The following SRPK2 variants were observed in gnomAD, a reference collection of about 807,000 sequenced individuals.
SRPK2 encodes the protein SFRS protein kinase 2.
In SRPK2, 21 loss-of-function variants were observed where a neutral mutation model predicts 90.8. The ratio of observed to expected loss-of-function variants is 0.23; its 90% CI spans 0.16 to 0.33. The LOEUF is 0.33. SRPK2 is among the 10% of genes least tolerant of loss of function. The pLI is 1.00. For synonymous variants in SRPK2, 288 were observed against 311.1 expected (o/e 0.93, Z 0.78); for missense variants, 620 against 869.0 (o/e 0.71, Z 3.60).
At chr7:105,394,739 A>C (rs1406348762) in intron 1 of SRPK2, among the ~76,000 whole-genome samples, 3 of 152,230 alleles carry the variant, frequency 2.0e-5, no homozygotes, top group African/African-American at 7.2e-5. Flanking sequence ...CACTGATTCT[A>C]TAGCAGTGAA....
intron 2 of SRPK2, among the ~76,000 whole-genome samples, chr7:105,317,658 G>A (rs1812457384): frequency 6.6e-6 from 1 of 152,112 alleles, no homozygotes; most frequent in African/African-American, 2.4e-5. Context: ...ACAGACTGAA[G>A]GCAGACACAT....
upstream of SRPK2, chr7:105,389,280 G>C: frequency 1.6e-6 from 2 of 1,275,970 alleles, no homozygotes; most frequent in South Asian, 2.5e-5. Context: ...CCATGCGCCC[G>C]TCCTTGGCCG....
chr7:105,373,860 C>T (rs887790023), intron 2 of SRPK2, among the ~76,000 whole-genome samples: 2 of 152,152 alleles, frequency 1.3e-5, no homozygotes, highest in African/African-American at 4.8e-5. Context: ...ACTTCCTTTT[C>T]GGTTCTAGTC....
At chr7:105,384,320 T>C (rs1821288757) in intron 2 of SRPK2, among the ~76,000 whole-genome samples, 1 of 152,142 alleles carries the variant, frequency 6.6e-6, no homozygotes, top group African/African-American at 2.4e-5. Context: ...CAAACTAAAC[T>C]CACAGGACAA....
chr7:105,181,895 A>AC (rs1267544039), intron 3 of SRPK2, among the ~76,000 whole-genome samples: 41 of 145,026 alleles, frequency 2.8e-4, no homozygotes, highest in African/African-American at 9.3e-4. Context: ...AAAAAAAAAA[A>AC]ACAGAAAACA....
chr7:105,340,800 TTTG>T (rs1815678872), intron 2 of SRPK2, among the ~76,000 whole-genome samples: 1 of 152,158 alleles, frequency 6.6e-6, no homozygotes, highest in Non-Finnish European at 1.5e-5. Flanking sequence ...TATGGCAGTA[TTTG>T]TTGTTAATAA....
intron 2 of SRPK2, among the ~76,000 whole-genome samples, chr7:105,301,230 TCAGGA>T (rs1420409619): frequency 2.7e-5 from 4 of 148,260 alleles, no homozygotes. Flanking sequence ...GATCATGAGG[TCAGGA>T]GATCAAGACC....
At chr7:105,121,065 C>T (rs367841138) in intron 15 of SRPK2, among the ~76,000 whole-genome samples, 10 of 152,252 alleles carry the variant, frequency 6.6e-5, no homozygotes, top group East Asian at 3.9e-4. Flanking sequence ...GAAATGTCAT[C>T]GGCCGGGCAC....
intron 2 of SRPK2, among the ~76,000 whole-genome samples, chr7:105,246,680 A>G (rs1801703698): frequency 6.6e-6 from 1 of 152,244 alleles, no homozygotes; most frequent in Non-Finnish European, 1.5e-5. Context: ...ACTTCTATCT[A>G]CTTCTTCACT....
At chr7:105,349,062 C>A (rs1413406474) in intron 2 of SRPK2, among the ~76,000 whole-genome samples, 1 of 150,494 alleles carries the variant, frequency 6.6e-6, no homozygotes, top group African/African-American at 2.4e-5. Flanking sequence ...AGGAGAATCA[C>A]TTGAACTCGG....
chr7:105,319,196 T>C (rs1482518122), intron 2 of SRPK2, among the ~76,000 whole-genome samples: 1 of 152,208 alleles, frequency 6.6e-6, no homozygotes, highest in Non-Finnish European at 1.5e-5. Flanking sequence ...ACACTATTTT[T>C]AAATTCTACA....
intron 2 of SRPK2, among the ~76,000 whole-genome samples, chr7:105,324,247 T>TC (rs1438935599): frequency 6.6e-6 from 1 of 151,988 alleles, no homozygotes; most frequent in Non-Finnish European, 1.5e-5. Context: ...GACCTCATGA[T>TC]CTGCCCATCT....
intron 2 of SRPK2, among the ~76,000 whole-genome samples, chr7:105,339,389 G>C (rs1479794728): frequency 1.3e-5 from 2 of 152,086 alleles, no homozygotes; most frequent in African/African-American, 4.8e-5. Flanking sequence ...CTGTGATCCA[G>C]GGTCTATGAA....
chr7:105,324,033 G>A (rs1417659921), intron 2 of SRPK2, among the ~76,000 whole-genome samples: 1 of 148,898 alleles, frequency 6.7e-6, no homozygotes, highest in Non-Finnish European at 1.5e-5. Flanking sequence ...GTCTCACATT[G>A]TCGCCCGGGC....
At position 105,301,914 on chromosome 7, in the gene SRPK2, C is replaced by G. The variant is rs1277953429; in HGVS notation, c.71+86734G>C. The G allele has an allele frequency of 4.4e-6, 7 of 1,607,984 alleles. No homozygotes were observed. In the Admixed American group the frequency reaches 1.2e-4, roughly 27 times the overall value. On this transcript the variant is annotated intron_variant, in intron 2 of 15. Coordinates refer to ENST00000393651, the MANE Select transcript of SRPK2 (RefSeq NM_182692.3). The stretch of plus-strand genomic sequence containing the variant: ...ATAAGCAATATCATCTCAATTGAAA[C>G]TCCTAATACAGCCCCATCAAGTAAG...
chr7:105,263,489 GAACCTCACATAGGT>G (rs934822648), intron 2 of SRPK2, among the ~76,000 whole-genome samples: 2 of 152,076 alleles, frequency 1.3e-5, no homozygotes, highest in East Asian at 1.9e-4. Context: ...CAATATGGAT[GAACCTCACATAGGT>G]AACCTCACAT....
intron 2 of SRPK2, among the ~76,000 whole-genome samples, chr7:105,292,497 CAAAAA>C (rs397889533): frequency 2.1e-4 from 16 of 74,792 alleles, no homozygotes; most frequent in East Asian, 1.7e-3. Flanking sequence ...GTAAGACTCT[CAAAAA>C]AAAAAAAAAA....
intron 2 of SRPK2, among the ~76,000 whole-genome samples, chr7:105,292,568 T>C (rs987710984): frequency 6.6e-6 from 1 of 151,460 alleles, no homozygotes; most frequent in African/African-American, 2.4e-5. Context: ...CTTTTCCTTA[T>C]TGGCACTACT....
At chr7:105,365,271 G>A (rs899142520) in intron 2 of SRPK2, among the ~76,000 whole-genome samples, 5 of 151,900 alleles carry the variant, frequency 3.3e-5, no homozygotes, top group African/African-American at 1.2e-4. Context: ...GATCACCTGA[G>A]ATCAGGAGCT....
Sources: gnomAD v4.1 joint callset for allele counts (sites outside exome capture counted in the v4.1 genomes callset) on GRCh38, gnomAD v4.1.1 for gene constraint, MANE v1.5 for transcripts, NCBI Gene and HGNC (gene_info 2026-07-23, HGNC 2026-07-21) for gene names.